CDH24: variants seen among roughly 807,000 people sequenced by gnomAD.
The protein encoded by CDH24 is cadherin-24.
CDH24 carries 61 observed loss-of-function variants against 71.2 expected under a neutral mutation model. The observed-to-expected ratio is 0.86, with a 90% CI of 0.70 to 1.06. CDH24 has a LOEUF of 1.06. Among genes scored for constraint, CDH24 ranks in the 50% least tolerant of loss-of-function variants. CDH24 has a pLI of 0.00. For missense variants in CDH24, 961 were observed against 1,083.7 expected, an observed-to-expected ratio of 0.89 and a Z score of 1.59; for synonymous variants, 440 against 470.2, an observed-to-expected ratio of 0.94 and a Z score of 0.83.
Position 23,054,987 on chromosome 14 carries a change from A to C in CDH24, c.496+72T>G. On this transcript the variant is annotated intron_variant, in intron 3 of 12. Coordinates refer to ENST00000487137, the MANE Select transcript of CDH24 (RefSeq NM_144985.4). This position sits in a 1 kb window ranked among gnomAD's most constrained non-coding sequence, Gnocchi z 5.2. ...GAAGGGGGCAGGTTCTGGGGCAGAC[A>C]ACAAGAAGGGAAGGAGAGGTGAGAG... 1 of 1,590,174 alleles carries C rather than the reference A, an allele frequency of 6.3e-7. No individual in the cohort carries two copies. The highest frequency in any genetic ancestry group is 8.6e-7 in the Non-Finnish European group (1 of 1,165,206).
intron 11 of CDH24, among the ~76,000 whole-genome samples, chr14:23,048,765 C>T (rs118031053): frequency 4.6e-5 from 7 of 152,330 alleles, no homozygotes; most frequent in African/African-American, 1.7e-4. Flanking sequence ...TGAAATATCA[C>T]AAGTGACGTG....
At chr14:23,052,670 C>A in intron 7 of CDH24, 61 bp from the exon 8 acceptor site, 2 of 1,561,336 alleles carry the variant, frequency 1.3e-6, no homozygotes, top group Non-Finnish European at 1.8e-6. Context: ...TGTTCCACCC[C>A]CTCTCTTCTT....
Position 23,053,495 on chromosome 14 carries a change from C to A in CDH24, c.1226+1G>T. 1 of 1,568,364 alleles carries A rather than the reference C, an allele frequency of 6.4e-7. No homozygotes were observed. The highest frequency in any genetic ancestry group is 8.7e-7 in the Non-Finnish European group (1 of 1,149,962). The stretch of plus-strand genomic sequence containing the variant: ...CCCAGCCCACATCCCAGCTCACCTA[C>A]CTGATTGGGCTGGCAGGGGAGTCCA... On this transcript the variant is annotated splice_donor_variant, in intron 7 of 12. Transcript: ENST00000487137. LOFTEE classifies it high-confidence loss of function.
In CDH24 at chr14:23,054,083, C is replaced by A. The variant is rs553872894; in HGVS notation, c.972+58G>T. Reference sequence around the variant, plus strand: ...TTCTAGAAGAACAGTTAAATATGTGCCCTGTGGGTCGGCAGGAGGCAGGTC... The same window carrying A: ...TTCTAGAAGAACAGTTAAATATGTGACCTGTGGGTCGGCAGGAGGCAGGTC... On this transcript the variant is annotated intron_variant, in intron 6 of 12. Coordinates refer to ENST00000487137, the MANE Select transcript of CDH24 (RefSeq NM_144985.4). The surrounding 1 kb of genome is among the most constrained non-coding windows in gnomAD (Gnocchi z 5.2). 3 of 1,492,748 alleles carry A rather than the reference C, an allele frequency of 2.0e-6. No homozygotes were observed. In the East Asian group the frequency reaches 6.9e-5, roughly 34 times the overall value. 92.5% of individuals were successfully genotyped at this position (1,492,748 alleles called of 1,614,324 possible). A position where few individuals can be genotyped will look rare whatever the true frequency, so the allele number is the denominator to read the frequency against.
chr14:23,056,338 C>G (rs1403220767), intron 1 of CDH24, among the ~76,000 whole-genome samples: 2 of 152,250 alleles, frequency 1.3e-5, no homozygotes, highest in Non-Finnish European at 2.9e-5. Flanking sequence ...GGGAGCCCCA[C>G]TCTCCAGGCC....
chr14:23,047,174 C>A lies in CDH24; in HGVS notation c.*720G>T. ...CCTCCCCCTTTCCTTTCCCTACTCC[C>A]TCAGGAAGCACACAAGACAATGCCC... On this transcript the variant is annotated 3_prime_UTR_variant, in exon 13 of 13. Coordinates refer to ENST00000487137, the MANE Select transcript of CDH24 (RefSeq NM_144985.4). 6.6e-6 allele frequency: 1 copy of A among 152,494 alleles called. No homozygotes were observed. 9.4% of individuals were successfully genotyped at this position (152,494 alleles called of 1,614,324 possible). A position where few individuals can be genotyped will look rare whatever the true frequency, so the allele number is the denominator to read the frequency against.
intron 10 of CDH24, 123 bp from the exon 11 acceptor site, chr14:23,049,398 C>T (rs2047067511): frequency 1.1e-6 from 1 of 948,504 alleles, no homozygotes; most frequent in Admixed American, 2.6e-5. Flanking sequence ...AGGTCCAGCC[C>T]ATAGAGCCAG....
At chr14:23,048,657 T>C (rs886072024) in intron 11 of CDH24, among the ~76,000 whole-genome samples, 178 bp from the exon 12 acceptor site, 1 of 152,212 alleles carries the variant, frequency 6.6e-6, no homozygotes, top group Non-Finnish European at 1.5e-5. Flanking sequence ...CCATGGGAAG[T>C]TGCTAGACTT....
Position 23,054,608 on chromosome 14 carries a change from G to T in CDH24, c.682C>A (p.Gln228Lys). ...ATGTGGCCGCCCATGTCCTTGGCCT[G>T]GATCACCACCAAGAACTCCTCCTGT... The part of the protein sequence containing the change: ...ETQEEFLVVI[Q>K]AKDMGGHMGG... Residue 228 changes from glutamine (Q) to lysine (K), a missense_variant, in exon 5 of 13, where the codon CAG becomes AAG. By Grantham distance (53) the Gln-to-Lys change is moderately conservative. Around this residue, in one of 2 missense-constraint regions of CDH24, gnomAD observed 671 missense variants for 810.9 expected, o/e 0.83. Coordinates refer to ENST00000487137, the MANE Select transcript of CDH24 (RefSeq NM_144985.4). The surrounding 1 kb of genome is among the most constrained non-coding windows in gnomAD (Gnocchi z 5.2). The T allele has an allele frequency of 6.2e-7, 1 of 1,614,068 alleles. No individual in the cohort carries two copies. The highest frequency in any genetic ancestry group is 1.1e-5 in the South Asian group (1 of 91,080).
chr14:23,047,983 G>GT lies in CDH24; in HGVS notation c.2342_2343insA (p.Ter782LeufsTer75). ...TGGGCCGGGCCAGCCCGGGCGCTCAGGGGGCCGGGGGCTCCTTGGCCCCAT... is the reference window on the plus strand; with the variant it reads ...TGGGCCGGGCCAGCCCGGGCGCTCAGTGGGGCCGGGGGCTCCTTGGCCCCAT... On this transcript the variant is annotated frameshift_variant, in exon 12 of 13. Transcript: ENST00000487137. LOFTEE classifies it high-confidence loss of function. The GT allele has an allele frequency of 7.4e-7, 1 of 1,345,734 alleles. No homozygotes were observed. Among genetic ancestry groups the GT allele is most frequent in the Non-Finnish European group, 9.5e-7 (1 of 1,053,626 alleles). 83.4% of individuals were successfully genotyped at this position (1,345,734 alleles called of 1,614,324 possible). A position where few individuals can be genotyped will look rare whatever the true frequency, so the allele number is the denominator to read the frequency against.
At position 23,053,742 on chromosome 14, in the gene CDH24, T is replaced by G. The variant is rs1209364550; in HGVS notation, c.980A>C (p.Asp327Ala). Residue 327 changes from aspartate (D) to alanine (A), a missense_variant, in exon 7 of 13, where the codon GAC (aspartate) becomes GCC (alanine). Coordinates refer to ENST00000487137, the MANE Select transcript of CDH24 (RefSeq NM_144985.4). Reference protein sequence around the residue: ...DGLLTVRKPLDFESQRSYSFR... With the variant: ...DGLLTVRKPLAFESQRSYSFR... ...GGAGTAGGAGCGCTGGCTCTCAAAG[T>G]CTAGGGGCTATGGTGAGGGGAGAGG... The G allele has an allele frequency of 6.2e-7, 1 of 1,602,342 alleles. No individual in the cohort carries two copies. Among genetic ancestry groups the G allele is most frequent in the African/African-American group, 1.3e-5 (1 of 74,872 alleles).
Position 23,048,067 on chromosome 14 carries a change from G to C in CDH24, c.2259C>G (p.Pro753=), listed in dbSNP as rs1320083480. The change falls in exon 12 of 13, where the codon CCC becomes CCG. Residue 753 remains proline (P), a synonymous_variant. Coordinates refer to ENST00000487137, the MANE Select transcript of CDH24 (RefSeq NM_144985.4). ...AGTCGTCCAGCGGCTCCGCGGGGCC[G>C]GGGGCGCCGCCGGCTTCGCTGCCGG... ...LGSGSEAGGA[P]GPAEPLDDWG... The C allele has an allele frequency of 2.8e-6, 4 of 1,428,158 alleles. No homozygotes were observed. The highest frequency in any genetic ancestry group is 2.5e-4 in the Middle Eastern group (1 of 3,942). The allele number at this position is 1,428,158 out of a possible 1,614,324, so 88.5% of individuals were successfully genotyped here. A position where few individuals can be genotyped will look rare whatever the true frequency, so the allele number is the denominator to read the frequency against.
At chr14:23,052,150 T>G in intron 8 of CDH24, 1 of 946,800 alleles carries the variant, frequency 1.1e-6, no homozygotes, top group East Asian at 2.6e-5. Flanking sequence ...AAGGTCTAGT[T>G]TATTTCTGGG....
chr14:23,054,954 G>GATGCCCC lies in CDH24; in HGVS notation c.497-89_497-88insGGGGCAT, dbSNP rs2047115713. The GATGCCCC allele has an allele frequency of 6.3e-7, 1 of 1,595,562 alleles. No homozygotes were observed. The stretch of plus-strand genomic sequence containing the variant: ...GGGGGGGGATGCAGATACGAGGGAG[G>GATGCCCC]CTGAATTGAAGGGGGCAGGTTCTGG... On this transcript the variant is annotated intron_variant, in intron 3 of 12. Coordinates refer to ENST00000487137, the MANE Select transcript of CDH24 (RefSeq NM_144985.4). The surrounding 1 kb of genome is among the most constrained non-coding windows in gnomAD (Gnocchi z 5.2).
At position 23,047,986 on chromosome 14, in the gene CDH24, G is replaced by T; in HGVS notation, c.2340C>A (p.Ala780=). The T allele has an allele frequency of 7.4e-7, 1 of 1,359,686 alleles. No individual in the cohort carries two copies. Among genetic ancestry groups the T allele is most frequent in the African/African-American group, 1.5e-5 (1 of 64,956 alleles). 84.2% of individuals were successfully genotyped at this position (1,359,686 alleles called of 1,614,324 possible). The change falls in exon 12 of 13, where the codon GCC becomes GCA. Residue 780 remains alanine (A), a synonymous_variant. Coordinates refer to ENST00000487137, the MANE Select transcript of CDH24 (RefSeq NM_144985.4). ...AELYGAKEPP[A]P Reference sequence around the variant, plus strand: ...GCCGGGCCAGCCCGGGCGCTCAGGGGGCCGGGGGCTCCTTGGCCCCATACA... The same window carrying T: ...GCCGGGCCAGCCCGGGCGCTCAGGGTGCCGGGGGCTCCTTGGCCCCATACA...
chr14:23,052,737 C>A, intron 7 of CDH24, 128 bp from the exon 8 acceptor site: 1 of 933,968 alleles, frequency 1.1e-6, no homozygotes, highest in East Asian at 2.5e-5. Flanking sequence ...AGCCATAATT[C>A]AGGTTGGAGT....
chr14:23,056,292 A>G (rs2047129333), intron 1 of CDH24, among the ~76,000 whole-genome samples: 1 of 152,244 alleles, frequency 6.6e-6, no homozygotes, highest in Non-Finnish European at 1.5e-5. Context: ...AGCCTCAGGC[A>G]GGGCTGAGAG....
Position 23,049,291 on chromosome 14 carries a change from G to C in CDH24, c.1598-16C>G. 2 of 1,561,088 alleles carry C rather than the reference G, an allele frequency of 1.3e-6. No homozygotes were observed. The highest frequency in any genetic ancestry group is 1.7e-6 in the Non-Finnish European group (2 of 1,152,504). The stretch of plus-strand genomic sequence containing the variant: ...GCGGAGCCATCTGTGGGAGAGGGAA[G>C]GTGTTGAGGTATCTTCTGGGACACC... On this transcript the variant is annotated splice_polypyrimidine_tract_variant and intron_variant, in intron 10 of 12. Coordinates refer to ENST00000487137, the MANE Select transcript of CDH24 (RefSeq NM_144985.4).
chr14:23,055,485 G>A lies in CDH24; in HGVS notation c.201+48C>T, dbSNP rs776118987. 6.2e-7 allele frequency: 1 copy of A among 1,604,480 alleles called. No homozygotes were observed. On this transcript the variant is annotated intron_variant, in intron 2 of 12. Coordinates refer to ENST00000487137, the MANE Select transcript of CDH24 (RefSeq NM_144985.4). This position sits in a 1 kb window ranked among gnomAD's most constrained non-coding sequence, Gnocchi z 4.1. ...CAGAAGTGATGAAGTTGCAGGGCAG[G>A]GCCTGAGGGCTTGGTGTCAGAGTAG...
Sources: allele counts gnomAD v4.1 joint callset (sites outside exome capture counted in the v4.1 genomes callset), GRCh38; gene constraint gnomAD v4.1.1; regional missense constraint gnomAD v4.1.1; non-coding constraint Gnocchi (gnomAD v3.1); transcripts MANE v1.5; gene names NCBI Gene and HGNC (gene_info 2026-07-23, HGNC 2026-07-21).